The following NKAIN3 variants were observed in gnomAD, a reference collection of about 807,000 sequenced individuals.
NKAIN3 encodes the protein sodium/potassium-transporting ATPase subunit beta-1-interacting protein 3.
In NKAIN3, 25 loss-of-function variants were observed where a neutral mutation model predicts 30.2. That is an observed-to-expected ratio of 0.83 (90% CI 0.60 to 1.16). The LOEUF is 1.16. NKAIN3 is among the 50% of genes most tolerant of loss of function. The pLI, the probability that NKAIN3 is intolerant of heterozygous loss-of-function variation, is 0.00. For missense variants in NKAIN3, 225 were observed against 254.1 expected (o/e 0.89, Z 0.78); for synonymous variants, 91 against 89.6 (o/e 1.02, Z -0.09).
At chr8:62,270,352 G>A (rs530735622) in intron 1 of NKAIN3, among the ~76,000 whole-genome samples, 13 of 152,156 alleles carry the variant, frequency 8.5e-5, no homozygotes, top group African/African-American at 2.9e-4. Flanking sequence ...AAAGTGCTGG[G>A]ATTACAGTCA....
intron 3 of NKAIN3, among the ~76,000 whole-genome samples, chr8:62,741,518 CCTT>C (rs747565940): frequency 2.0e-5 from 3 of 152,166 alleles, no homozygotes; most frequent in South Asian, 4.1e-4. Flanking sequence ...AGAAGGAAGA[CCTT>C]CTTATCACCA....
At chr8:62,436,441 C>A (rs1489658466) in intron 1 of NKAIN3, among the ~76,000 whole-genome samples, 3 of 152,060 alleles carry the variant, frequency 2.0e-5, no homozygotes, top group Admixed American at 6.6e-5. Context: ...AACATTGCAA[C>A]TTTGAATGAG....
chr8:62,349,232 T>C (rs996440512), intron 1 of NKAIN3, among the ~76,000 whole-genome samples: 1 of 152,144 alleles, frequency 6.6e-6, no homozygotes, highest in Non-Finnish European at 1.5e-5. Context: ...CCAGGTGTTT[T>C]CATGTGGAAG....
rs2130178811 is a variant in NKAIN3 at position 62,609,329 on chromosome 8, T to C, written c.273+19535T>C. Among the ~76,000 whole-genome samples, 2 of 152,304 alleles carry C rather than the reference T, an allele frequency of 1.3e-5. 1 individual carries two copies. The highest frequency in any genetic ancestry group is 4.1e-4 in the South Asian group (2 of 4,834). On this transcript the variant is annotated intron_variant, in intron 3 of 6. Transcript: ENST00000623646. Reference sequence around the variant, plus strand: ...AGGTAAGTAAAGTGAGAAATAATGCTGTTATAAATGTGCTGAAGGCATTGT... The same window carrying C: ...AGGTAAGTAAAGTGAGAAATAATGCCGTTATAAATGTGCTGAAGGCATTGT...
At chr8:62,835,518 A>G (rs1486084553) in intron 4 of NKAIN3, among the ~76,000 whole-genome samples, 1 of 152,160 alleles carries the variant, frequency 6.6e-6, no homozygotes, top group Non-Finnish European at 1.5e-5. Context: ...ATCCCATTAA[A>G]AAGTGGGCAA....
intron 3 of NKAIN3, among the ~76,000 whole-genome samples, chr8:62,635,778 TTTG>T (rs1261731915): frequency 1.3e-5 from 2 of 152,154 alleles, no homozygotes; most frequent in African/African-American, 4.8e-5. Flanking sequence ...AGAAATAAAT[TTTG>T]TTGTTTATAA....
intron 3 of NKAIN3, among the ~76,000 whole-genome samples, chr8:62,643,194 C>T (rs1024969488): frequency 4.6e-5 from 7 of 151,858 alleles, no homozygotes; most frequent in Admixed American, 1.3e-4. Flanking sequence ...TTTTTCACCT[C>T]CAGTATAGTA....
At chr8:62,298,794 G>T (rs905169138) in intron 1 of NKAIN3, among the ~76,000 whole-genome samples, 1 of 150,494 alleles carries the variant, frequency 6.6e-6, no homozygotes, top group Non-Finnish European at 1.5e-5. Context: ...CCAGTAGCTA[G>T]CTATTAACAT....
In NKAIN3 at chr8:62,967,209, G is replaced by T. The variant is rs1177105275; in HGVS notation, c.*1802G>T. ...AAGGGATTTGGTGAACTTGTCCAGA[G>T]CCTGTATCTGTACACAGGGGCAAGA... On this transcript the variant is annotated 3_prime_UTR_variant, in exon 7 of 7. Transcript: ENST00000623646. Among the ~76,000 whole-genome samples, 1 of 152,178 alleles carries T rather than the reference G, an allele frequency of 6.6e-6. No homozygotes were observed. The highest frequency in any genetic ancestry group is 1.5e-5 in the Non-Finnish European group (1 of 68,030).
chr8:62,681,508 T>G (rs1813643627), intron 3 of NKAIN3, among the ~76,000 whole-genome samples: 1 of 152,170 alleles, frequency 6.6e-6, no homozygotes, highest in African/African-American at 2.4e-5. Flanking sequence ...GGTTTACCAG[T>G]AAAACTATTC....
intron 3 of NKAIN3, among the ~76,000 whole-genome samples, chr8:62,700,569 G>C (rs1437095878): frequency 1.3e-5 from 2 of 152,080 alleles, no homozygotes. Flanking sequence ...GGTCAATTTG[G>C]CAGACATGTA....
intron 4 of NKAIN3, chr8:62,864,030 T>C: frequency 1.4e-6 from 1 of 709,736 alleles, no homozygotes; most frequent in Non-Finnish European, 2.6e-6. Context: ...GTTTCTCTCT[T>C]TTCGGCCTCC....
chr8:62,924,280 C>A (rs1822371598), intron 5 of NKAIN3, among the ~76,000 whole-genome samples: 1 of 152,164 alleles, frequency 6.6e-6, no homozygotes, highest in South Asian at 2.1e-4. Flanking sequence ...TTTTCTCCCA[C>A]CCTTTCCGGG....
chr8:62,774,544 G>A (rs952076916), intron 4 of NKAIN3, among the ~76,000 whole-genome samples: 1 of 152,140 alleles, frequency 6.6e-6, no homozygotes, highest in Non-Finnish European at 1.5e-5. Flanking sequence ...CTGTATGTGT[G>A]TCAAATATGA....
intron 1 of NKAIN3, among the ~76,000 whole-genome samples, chr8:62,298,164 A>T (rs147515860): frequency 1.8e-5 from 2 of 108,418 alleles, no homozygotes; most frequent in East Asian, 3.3e-4. Flanking sequence ...CACACTCTGG[A>T]GACTGTTGTG....
rs1823922520 is a variant in NKAIN3, at chr8:62,975,519, T to C, written c.*10112T>C. On this transcript the variant is annotated 3_prime_UTR_variant, in exon 7 of 7. Coordinates refer to ENST00000623646, the MANE Select transcript of NKAIN3 (RefSeq NM_001304533.3). Reference sequence around the variant, plus strand: ...GGGATTAGTGGTGATCTCCACTTTATCACTTTTTATTGTGTCTATTTGATT... The same window carrying C: ...GGGATTAGTGGTGATCTCCACTTTACCACTTTTTATTGTGTCTATTTGATT... 2.0e-5 allele frequency among the ~76,000 whole-genome samples: 3 copies of C among 152,208 alleles called. No homozygotes were observed. The South Asian group carries it at 6.2e-4, about 31-fold the overall frequency.
chr8:62,402,511 G>T (rs968101130), intron 1 of NKAIN3, among the ~76,000 whole-genome samples: 5 of 151,844 alleles, frequency 3.3e-5, no homozygotes, highest in Non-Finnish European at 7.4e-5. Flanking sequence ...TTGAATCATC[G>T]GGGTGGTTTC....
chr8:62,721,989 G>C (rs1815107920), intron 3 of NKAIN3, among the ~76,000 whole-genome samples: 1 of 152,126 alleles, frequency 6.6e-6, no homozygotes, highest in African/African-American at 2.4e-5. Flanking sequence ...GTCTGTGAAA[G>C]GGAAGAGCTT....
intron 4 of NKAIN3, among the ~76,000 whole-genome samples, chr8:62,791,594 A>T (rs1817702397): frequency 6.6e-6 from 1 of 152,114 alleles, no homozygotes. Flanking sequence ...TAAATTGCTT[A>T]TACTAGTTCC....
Sources: allele counts gnomAD v4.1 joint callset (sites outside exome capture counted in the v4.1 genomes callset), GRCh38; gene constraint gnomAD v4.1.1; transcripts MANE v1.5; gene names NCBI Gene and HGNC (gene_info 2026-07-23, HGNC 2026-07-21).